Variants in CLYBL observed in about 807,000 individuals in gnomAD.
The protein encoded by CLYBL is citramalyl-CoA lyase, also known as citramalyl-CoA lyase, mitochondrial.
CLYBL carries 31 observed loss-of-function variants against 38.9 expected under a neutral mutation model. That is an observed-to-expected ratio of 0.80 (90% CI 0.60 to 1.08). The LOEUF (loss-of-function observed/expected upper bound fraction) is 1.08. CLYBL is among the 50% of genes least tolerant of loss of function. The probability of loss-of-function intolerance (pLI) is 0.00; values close to 1 mark genes in which losing one functional copy is unlikely to be tolerated. For synonymous variants in CLYBL, 171 were observed against 158.6 expected (o/e 1.08, Z -0.59); for missense variants, 434 against 411.6 (o/e 1.05, Z -0.47).
At chr13:99,848,729 G>A (rs940105584) in intron 2 of CLYBL, among the ~76,000 whole-genome samples, 2 of 152,220 alleles carry the variant, frequency 1.3e-5, no homozygotes, top group African/African-American at 4.8e-5. Context: ...CTAGAAACCA[G>A]AAATTCTAAC....
At chr13:99,885,109 C>T (rs746645978) in intron 7 of CLYBL, 11 of 529,450 alleles carry the variant, frequency 2.1e-5, no homozygotes, top group East Asian at 5.5e-5. Context: ...GTCAAAGGTA[C>T]GTGAGGCCTG....
At chr13:99,885,877 A>C (rs2052337471) in intron 7 of CLYBL, among the ~76,000 whole-genome samples, 1 of 152,156 alleles carries the variant, frequency 6.6e-6, no homozygotes, top group South Asian at 2.1e-4. Flanking sequence ...GTAGGTAAGG[A>C]GGAGCCGTAT....
chr13:99,632,727 G>T (rs1005631997), intron 1 of CLYBL, among the ~76,000 whole-genome samples: 12 of 151,442 alleles, frequency 7.9e-5, no homozygotes, highest in Admixed American at 3.3e-4. Flanking sequence ...CCTGGTGACA[G>T]AGTGAGACTC....
intron 8 of CLYBL, chr13:99,891,652 A>C (rs1210684711): frequency 4.8e-6 from 2 of 420,774 alleles, no homozygotes; most frequent in Non-Finnish European, 8.6e-6. Flanking sequence ...TGTATTACGA[A>C]TATGGGCTTA....
At chr13:99,747,257 C>T (rs1036462238) in intron 1 of CLYBL, among the ~76,000 whole-genome samples, 4 of 148,472 alleles carry the variant, frequency 2.7e-5, no homozygotes, top group Admixed American at 2.0e-4. Context: ...TCCTCCCCTC[C>T]TCCTTCGTTC....
chr13:99,864,197 G>C (rs909168906), intron 4 of CLYBL, among the ~76,000 whole-genome samples: 3 of 151,852 alleles, frequency 2.0e-5, no homozygotes, highest in African/African-American at 7.3e-5. Context: ...CCGGTTCCTC[G>C]TTTCTTTCCC....
intron 2 of CLYBL, among the ~76,000 whole-genome samples, chr13:99,797,789 G>C (rs888736645): frequency 1.3e-5 from 2 of 152,154 alleles, no homozygotes; most frequent in Non-Finnish European, 2.9e-5. Context: ...CTGGAACTCA[G>C]TACTACCAAG....
At chr13:99,862,957 C>A in intron 3 of CLYBL, 34 bp from the exon 4 acceptor site, 1 of 1,229,866 alleles carries the variant, frequency 8.1e-7, no homozygotes, top group Non-Finnish European at 1.2e-6. Context: ...TACATTTTTT[C>A]CCCACTAATC....
intron 1 of CLYBL, among the ~76,000 whole-genome samples, chr13:99,640,661 T>G (rs1209510562): frequency 6.6e-6 from 1 of 152,226 alleles, no homozygotes; most frequent in Non-Finnish European, 1.5e-5. Flanking sequence ...GCAACATGGT[T>G]TAAAAGGAAA....
intron 2 of CLYBL, among the ~76,000 whole-genome samples, chr13:99,804,171 G>A (rs572118349): frequency 6.6e-6 from 1 of 152,316 alleles, no homozygotes; most frequent in East Asian, 1.9e-4. Context: ...AGTGCACAAA[G>A]GCAGAGAGCG....
chr13:99,655,903 G>A (rs572747207), intron 1 of CLYBL, among the ~76,000 whole-genome samples: 27 of 152,210 alleles, frequency 1.8e-4, no homozygotes, highest in Non-Finnish European at 3.1e-4. Context: ...ACATACTGAG[G>A]ACAGAGAGGG....
chr13:99,686,459 G>A (rs982278802), intron 1 of CLYBL, among the ~76,000 whole-genome samples: 1 of 152,182 alleles, frequency 6.6e-6, no homozygotes, highest in African/African-American at 2.4e-5. Context: ...AGTCCTTTGA[G>A]AGACACTCTC....
At chr13:99,733,909 C>T (rs917017596) in intron 1 of CLYBL, among the ~76,000 whole-genome samples, 62 of 152,290 alleles carry the variant, frequency 4.1e-4, no homozygotes, top group African/African-American at 1.4e-3. Flanking sequence ...AAATCTTTCA[C>T]CAGATGTTGT....
intron 1 of CLYBL, 29 bp downstream of exon 1, chr13:99,606,786 C>T: frequency 1.5e-6 from 2 of 1,372,540 alleles, no homozygotes; most frequent in Admixed American, 3.5e-5. Flanking sequence ...TCCCCGCCTT[C>T]CCGGCCCGGC....
intron 1 of CLYBL, among the ~76,000 whole-genome samples, chr13:99,692,298 T>G (rs951026660): frequency 2.0e-5 from 3 of 147,330 alleles, no homozygotes; most frequent in African/African-American, 5.3e-5. Flanking sequence ...TTTTTTTTTT[T>G]TGTTTGTTTT....
intron 1 of CLYBL, among the ~76,000 whole-genome samples, chr13:99,622,804 ATT>A (rs1210313265): frequency 2.4e-4 from 4 of 16,528 alleles, no homozygotes; most frequent in South Asian, 2.7e-3. Context: ...TATTTTTTAA[ATT>A]AAATTTAATT....
intron 1 of CLYBL, among the ~76,000 whole-genome samples, chr13:99,607,979 AG>A (rs1428483805): frequency 2.0e-5 from 3 of 150,200 alleles, no homozygotes; most frequent in African/African-American, 7.4e-5. Context: ...CCTGACCTCA[AG>A]GGGGTCCACC....
intron 1 of CLYBL, among the ~76,000 whole-genome samples, chr13:99,754,191 T>A (rs1413996055): frequency 7.0e-6 from 1 of 143,456 alleles, no homozygotes; most frequent in African/African-American, 2.6e-5. Flanking sequence ...GGGCGGATCG[T>A]TTGAGCCCAG....
intron 2 of CLYBL, among the ~76,000 whole-genome samples, chr13:99,810,044 T>C (rs1382895605): frequency 6.6e-6 from 1 of 152,220 alleles, no homozygotes; most frequent in Non-Finnish European, 1.5e-5. Flanking sequence ...TTTTTATTAT[T>C]ATCACATGGG....
Sources: allele counts gnomAD v4.1 joint callset (sites outside exome capture counted in the v4.1 genomes callset), GRCh38; gene constraint gnomAD v4.1.1; transcripts MANE v1.5; gene names NCBI Gene and HGNC (gene_info 2026-07-23, HGNC 2026-07-21).